The following PRR12 variants were observed in gnomAD, a reference collection of about 807,000 sequenced individuals.
PRR12 encodes proline-rich protein 12.
PRR12 carries 12 observed loss-of-function variants against 138.0 expected under a neutral mutation model. The observed-to-expected ratio is 0.09, with a 90% CI of 0.06 to 0.14. The LOEUF (loss-of-function observed/expected upper bound fraction) is 0.14. PRR12 is among the 10% of genes least tolerant of loss of function. The probability of loss-of-function intolerance (pLI) is 1.00; values close to 1 mark genes in which losing one functional copy is unlikely to be tolerated. For synonymous variants in PRR12, 1,567 were observed against 1,291.7 expected (o/e 1.21, Z -4.57); for missense variants, 2,692 against 2,861.3 (o/e 0.94, Z 1.35).
chr19:49,601,862 A>G lies in PRR12; in HGVS notation c.4717A>G (p.Ile1573Val). The change falls in exon 6 of 14, where the codon ATC becomes GTC. Residue 1573 changes from isoleucine (I) to valine (V), a missense_variant. By Grantham distance (29) the Ile-to-Val change is conservative. Coordinates refer to ENST00000418929, the MANE Select transcript of PRR12 (RefSeq NM_020719.3). ...GGCCGGCGAGAGTGGCGGAGAGGGC[A>G]TCTTCCGGGAACGGGACGAGTTCGT... is the stretch of plus-strand genomic sequence containing the variant. ...EEAGESGGEG[I>V]FRERDEFVIR... The G allele has an allele frequency of 6.2e-7, 1 of 1,612,522 alleles. No homozygotes were observed. The highest frequency in any genetic ancestry group is 8.5e-7 in the Non-Finnish European group (1 of 1,179,836).
rs372061098 is a variant in PRR12, at chr19:49,598,618, G to C, written c.3678+605G>C. Among the ~76,000 whole-genome samples, 64 of 152,162 alleles carry C rather than the reference G, an allele frequency of 4.2e-4. No individual in the cohort carries two copies. In the East Asian group the frequency reaches 0.012, roughly 28 times the overall value. ...GAGGATCTCTTGAACCCAGATGTTC[G>C]AGACCAGCCTGGTCAGCGTAGTGAG... On this transcript the variant is annotated intron_variant, in intron 4 of 13. Transcript: ENST00000418929.
intron 6 of PRR12, among the ~76,000 whole-genome samples, chr19:49,608,942 C>T (rs1424565964): frequency 1.3e-5 from 2 of 152,146 alleles, no homozygotes; most frequent in Admixed American, 6.6e-5. Flanking sequence ...CATTCTCCTT[C>T]CCCCGTCTGT....
At chr19:49,617,879 C>T (rs2080900952) in intron 9 of PRR12, among the ~76,000 whole-genome samples, 1 of 152,044 alleles carries the variant, frequency 6.6e-6, no homozygotes, top group African/African-American at 2.4e-5. Flanking sequence ...GGGCAAATCA[C>T]CTTAGGTCAG....
At position 49,614,436 on chromosome 19, in the gene PRR12, G is replaced by C; in HGVS notation, c.4774-97G>C. 1.3e-6 allele frequency: 1 copy of C among 769,146 alleles called. No individual in the cohort carries two copies. Among genetic ancestry groups the C allele is most frequent in the Non-Finnish European group, 2.0e-6 (1 of 488,584 alleles). The allele number at this position is 769,146 out of a possible 1,614,324, so 47.6% of individuals were successfully genotyped here. ...GTTGACGTGTCTGCCTTTTCTCTAA[G>C]GGGATGGTGAGGGAAGCCAGTGGGC... is the stretch of plus-strand genomic sequence containing the variant. On this transcript the variant is annotated intron_variant, in intron 6 of 13. Coordinates refer to ENST00000418929, the MANE Select transcript of PRR12 (RefSeq NM_020719.3). The surrounding 1 kb of genome is among the most constrained non-coding windows in gnomAD (Gnocchi z 5.0).
chr19:49,616,759 G>C lies in PRR12; in HGVS notation c.5497+540G>C, dbSNP rs2080895288. 6.6e-6 allele frequency among the ~76,000 whole-genome samples: 1 copy of C among 152,122 alleles called. No homozygotes were observed. The highest frequency in any genetic ancestry group is 1.5e-5 in the Non-Finnish European group (1 of 68,030). ...CATAATAGACGAAGCTCATAGGAGAGTGCCAATCTTTAGTAGACACTACCT... is the reference window on the plus strand; with the variant it reads ...CATAATAGACGAAGCTCATAGGAGACTGCCAATCTTTAGTAGACACTACCT... On this transcript the variant is annotated intron_variant, in intron 9 of 13. Coordinates refer to ENST00000418929, the MANE Select transcript of PRR12 (RefSeq NM_020719.3). This position sits in a 1 kb window ranked among gnomAD's most constrained non-coding sequence, Gnocchi z 4.2.
chr19:49,600,508 G>A (rs1289672928), intron 5 of PRR12, among the ~76,000 whole-genome samples: 2 of 151,210 alleles, frequency 1.3e-5, no homozygotes, highest in East Asian at 1.9e-4. Context: ...ATGACAGGCC[G>A]GGCATGGTGG....
At position 49,599,223 on chromosome 19, in the gene PRR12, T is replaced by G; in HGVS notation, c.3679-49T>G. The G allele has an allele frequency of 6.7e-7, 1 of 1,494,234 alleles. No individual in the cohort carries two copies. Among genetic ancestry groups the G allele is most frequent in the South Asian group, 1.4e-5 (1 of 73,950 alleles). 92.6% of individuals were successfully genotyped at this position (1,494,234 alleles called of 1,614,324 possible). A position where few individuals can be genotyped will look rare whatever the true frequency, so the allele number is the denominator to read the frequency against. On this transcript the variant is annotated intron_variant, in intron 4 of 13. Coordinates refer to ENST00000418929, the MANE Select transcript of PRR12 (RefSeq NM_020719.3). This position sits in a 1 kb window ranked among gnomAD's most constrained non-coding sequence, Gnocchi z 5.0. ...TTTGGGGGCTGAGGGAGGATGGGACTGGGGGCCCAGGCTACTGGGCCCTCA... is the reference window on the plus strand; with the variant it reads ...TTTGGGGGCTGAGGGAGGATGGGACGGGGGGCCCAGGCTACTGGGCCCTCA...
chr19:49,591,630 C>A lies in PRR12; in HGVS notation c.-25C>A. 8.2e-7 allele frequency: 1 copy of A among 1,224,182 alleles called. No homozygotes were observed. Among genetic ancestry groups the A allele is most frequent in the South Asian group, 1.5e-5 (1 of 64,858 alleles). The allele number at this position is 1,224,182 out of a possible 1,614,324, so 75.8% of individuals were successfully genotyped here. On this transcript the variant is annotated 5_prime_UTR_variant, in exon 1 of 14. Transcript: ENST00000418929. The stretch of plus-strand genomic sequence containing the variant: ...TCCCTCCCTCCCTCCCTCCCCCTCC[C>A]CCCAATTTCCACCGCGGCCAATTCA...
rs752092072 is a variant in PRR12 at position 49,601,968 on chromosome 19, GTT to G, written c.4773+52_4773+53del. 24 of 1,577,626 alleles carry G rather than the reference GTT, an allele frequency of 1.5e-5. No individual in the cohort carries two copies. In the East Asian group the frequency reaches 3.9e-4, roughly 26 times the overall value. ...CTGGGCCTGATGGGTTTGGTCACCT[GTT>G]TGTTGAGTGCCCGCTGGATGACAGG... On this transcript the variant is annotated intron_variant, in intron 6 of 13. Coordinates refer to ENST00000418929, the MANE Select transcript of PRR12 (RefSeq NM_020719.3).
chr19:49,606,909 G>A (rs1291084040), intron 6 of PRR12, among the ~76,000 whole-genome samples: 1 of 152,000 alleles, frequency 6.6e-6, no homozygotes, highest in African/African-American at 2.4e-5. Context: ...ATAGACCATT[G>A]TTTATTCCAG....
intron 4 of PRR12, 142 bp downstream of exon 4, chr19:49,598,155 G>A: frequency 1.0e-6 from 1 of 984,384 alleles, no homozygotes; most frequent in East Asian, 3.3e-5. Flanking sequence ...TTCACTGCAA[G>A]CTCCGCCTCC....
intron 9 of PRR12, among the ~76,000 whole-genome samples, chr19:49,619,252 G>A (rs1466133498): frequency 1.1e-5 from 1 of 89,756 alleles, no homozygotes; most frequent in African/African-American, 5.6e-5. Context: ...TTTTTTTTGA[G>A]ACAGTCTTGC....
Position 49,601,572 on chromosome 19 carries a change from C to T in PRR12, c.4427C>T (p.Pro1476Leu), listed in dbSNP as rs1025265534. 2.5e-5 allele frequency: 38 copies of T among 1,541,722 alleles called. No homozygotes were observed. Among genetic ancestry groups the T allele is most frequent in the Middle Eastern group, 4.0e-4 (2 of 5,048 alleles). The change falls in exon 6 of 14, where the codon CCG becomes CTG. Residue 1476 changes from proline (P) to leucine (L), a missense_variant. Transcript: ENST00000418929. ...TPQPQPPPPP[P>L]PPQPALPSPP... ...CAGCCTCAGCCTCCGCCACCCCCTC[C>T]GCCGCCACAGCCAGCCCTGCCCTCG...
chr19:49,615,069 C>T lies in PRR12; in HGVS notation c.5024+60C>T, dbSNP rs750977233. On this transcript the variant is annotated intron_variant, in intron 8 of 13. Coordinates refer to ENST00000418929, the MANE Select transcript of PRR12 (RefSeq NM_020719.3). Reference sequence around the variant, plus strand: ...TGTAGCGCCGACAGGCATGGGGATGCGGCATGCAAGAGAGAAGGCTGGAGA... The same window carrying T: ...TGTAGCGCCGACAGGCATGGGGATGTGGCATGCAAGAGAGAAGGCTGGAGA... The T allele has an allele frequency of 2.5e-4, 401 of 1,599,336 alleles. 3 individuals are homozygous for T. Among genetic ancestry groups the T allele is most frequent in the Non-Finnish European group, 6.1e-5 (72 of 1,171,238 alleles).
rs922178889 is a variant in PRR12 at position 49,610,546 on chromosome 19, A to ATTTTTTTTTTTTTTTT, written c.4774-3973_4774-3972insTTTTTTTTTTTTTTTT. On this transcript the variant is annotated intron_variant, in intron 6 of 13. Transcript: ENST00000418929. ...CATGCCATGGTAAAACCCTGTTCCT[A>ATTTTTTTTTTTTTTTT]TTTTTTTTTTTTTTGAGATGGAGTC... is the stretch of plus-strand genomic sequence containing the variant. Among the ~76,000 whole-genome samples the ATTTTTTTTTTTTTTTT allele has an allele frequency of 6.6e-5, 8 of 121,632 alleles. 2 individuals are homozygous for ATTTTTTTTTTTTTTTT. The highest frequency in any genetic ancestry group is 5.3e-4 in the South Asian group (2 of 3,778). The allele number at this position is 121,632 out of a possible 152,430, so 79.8% of individuals were successfully genotyped here. A position where few individuals can be genotyped will look rare whatever the true frequency, so the allele number is the denominator to read the frequency against.
At position 49,595,006 on chromosome 19, in the gene PRR12, C is replaced by A. The variant is rs1207569671; in HGVS notation, c.671C>A (p.Thr224Asn). ...CCAGCTGGTCTCGGTCCAGCCCAGA[C>A]CCCCCCTTACCGCCCTGGCCCCCCA... is the stretch of plus-strand genomic sequence containing the variant. ...LGPAGLGPAQ[T>N]PPYRPGPPDP... Residue 224 changes from threonine to asparagine, a missense_variant, in exon 4 of 14, where the codon ACC (threonine) becomes AAC (asparagine). Physicochemically the swap from Thr to Asn is moderately conservative, Grantham distance 65. This residue lies in a region of PRR12 where 523 missense variants were observed against 496.4 expected (regional missense o/e 1.05). Transcript: ENST00000418929. The A allele has an allele frequency of 1.3e-6, 2 of 1,597,150 alleles. No homozygotes were observed. Among genetic ancestry groups the A allele is most frequent in the African/African-American group, 1.3e-5 (1 of 74,470 alleles).
chr19:49,622,044 A>G (rs951017248), intron 11 of PRR12, among the ~76,000 whole-genome samples: 4 of 148,258 alleles, frequency 2.7e-5, no homozygotes, highest in African/African-American at 9.9e-5. Flanking sequence ...CAGGGCTCTG[A>G]AATCCAGTGT....
chr19:49,602,733 G>A (rs2080819027), intron 6 of PRR12, among the ~76,000 whole-genome samples: 1 of 152,128 alleles, frequency 6.6e-6, no homozygotes, highest in African/African-American at 2.4e-5. Context: ...TGTGTTTTTA[G>A]TAGAAATGGG....
In PRR12 at chr19:49,599,382, C is replaced by T. The variant is rs182798081; in HGVS notation, c.3789C>T (p.Ile1263=). Residue 1263 remains isoleucine (I), a synonymous_variant, in exon 5 of 14, where the codon ATC becomes ATT. Coordinates refer to ENST00000418929, the MANE Select transcript of PRR12 (RefSeq NM_020719.3). This position sits in a 1 kb window ranked among gnomAD's most constrained non-coding sequence, Gnocchi z 5.0. ...ACTCGAGCCTGACTCGGGAGAAGAT[C>T]GAGGCCAAGATTAAGGAGGTGGAGG... The part of the protein sequence containing the change: ...SLDSSLTREK[I]EAKIKEVEEK... 60 of 1,612,674 alleles carry T rather than the reference C, an allele frequency of 3.7e-5. No homozygotes were observed. The highest frequency in any genetic ancestry group is 2.9e-4 in the African/African-American group (22 of 75,030).
Sources: allele counts gnomAD v4.1 joint callset (sites outside exome capture counted in the v4.1 genomes callset), GRCh38; gene constraint gnomAD v4.1.1; regional missense constraint gnomAD v4.1.1; non-coding constraint Gnocchi (gnomAD v3.1); transcripts MANE v1.5; gene names NCBI Gene and HGNC (gene_info 2026-07-23, HGNC 2026-07-21).